The following SLC38A6 variants were observed in gnomAD, a reference collection of about 807,000 sequenced individuals.
SLC38A6 encodes the protein solute carrier family 38 member 6, also known as N system amino acid transporter NAT-1.
A neutral mutation model predicts 65.0 loss-of-function variants in SLC38A6; 73 were observed. That is an observed-to-expected ratio of 1.12 (90% confidence interval 0.93 to 1.37). The LOEUF (loss-of-function observed/expected upper bound fraction) is 1.37. Among genes scored for constraint, SLC38A6 ranks in the 40% most tolerant of loss-of-function variants. SLC38A6 has a pLI of 0.00. For missense variants in SLC38A6, 561 were observed against 531.1 expected (o/e 1.06, Z -0.55); for synonymous variants, 183 against 178.8 (o/e 1.02, Z -0.19).
chr14:61,014,991 C>T (rs1338879467), intron 3 of SLC38A6, among the ~76,000 whole-genome samples: 1 of 152,212 alleles, frequency 6.6e-6, no homozygotes, highest in Non-Finnish European at 1.5e-5. Flanking sequence ...GTGGAGTCTA[C>T]AGAGGCACGC....
chr14:61,017,261 G>T lies in SLC38A6; in HGVS notation c.363+1305G>T, dbSNP rs191373934. Among the ~76,000 whole-genome samples, 153 of 152,202 alleles carry T rather than the reference G, an allele frequency of 1.0e-3. 1 individual carries two copies. In the East Asian group the frequency reaches 0.024, roughly 24 times the overall value. ...CTCTATGTTGGTCAGGCTGGTCTGG[G>T]CCTCCCGACCTCAGGTGATCCACCT... On this transcript the variant is annotated intron_variant, in intron 4 of 15. Transcript: ENST00000267488.
chr14:61,082,712 GC>G (rs1460334095), intron 16 of SLC38A6, among the ~76,000 whole-genome samples: 2 of 152,102 alleles, frequency 1.3e-5, no homozygotes, highest in African/African-American at 4.8e-5. Flanking sequence ...TCTCCTCAAG[GC>G]CCTTTCTAGT....
chr14:61,052,710 A>G (rs1594758224), downstream of SLC38A6: 1 of 227,592 alleles, frequency 4.4e-6, no homozygotes, highest in Non-Finnish European at 8.2e-6. Context: ...AACAGAAAGT[A>G]CAGAGTTCAC....
chr14:61,004,251 C>T (rs915410727), intron 3 of SLC38A6, among the ~76,000 whole-genome samples: 8 of 152,124 alleles, frequency 5.3e-5, no homozygotes, highest in Non-Finnish European at 1.2e-4. Context: ...AATATACTAT[C>T]TATACTTCAT....
chr14:60,998,104 G>C (rs982539935), intron 3 of SLC38A6, among the ~76,000 whole-genome samples: 1 of 151,258 alleles, frequency 6.6e-6, no homozygotes, highest in Non-Finnish European at 1.5e-5. Context: ...TATGTATAAG[G>C]CATAGTGATA....
At chr14:61,006,619 A>T (rs1014234720) in intron 3 of SLC38A6, among the ~76,000 whole-genome samples, 156 of 152,348 alleles carry the variant, frequency 1.0e-3, no homozygotes, top group African/African-American at 3.7e-3. Flanking sequence ...TCAAAACCAC[A>T]ATGAGATACC....
At chr14:61,015,456 C>T (rs2039937603) in intron 3 of SLC38A6, among the ~76,000 whole-genome samples, 1 of 152,098 alleles carries the variant, frequency 6.6e-6, no homozygotes, top group Non-Finnish European at 1.5e-5. Flanking sequence ...GCAGAAATCA[C>T]CCATCTTCTG....
chr14:61,005,581 A>C (rs552521177), intron 3 of SLC38A6, among the ~76,000 whole-genome samples: 5 of 152,084 alleles, frequency 3.3e-5, no homozygotes, highest in Admixed American at 6.5e-5. Context: ...TCCCATTCAC[A>C]ATTGCTTCAA....
intron 5 of SLC38A6, among the ~76,000 whole-genome samples, chr14:61,028,086 G>A (rs2040710656): frequency 6.6e-6 from 1 of 151,818 alleles, no homozygotes; most frequent in African/African-American, 2.4e-5. Context: ...GTACAACAAA[G>A]GATAAAAGTG....
At chr14:61,000,459 A>G (rs1243540034) in intron 3 of SLC38A6, among the ~76,000 whole-genome samples, 2 of 152,182 alleles carry the variant, frequency 1.3e-5, no homozygotes, top group East Asian at 1.9e-4. Context: ...GGCGAAACCC[A>G]TCTCTACTAA....
chr14:60,981,691 A>G (rs1324926023), intron 1 of SLC38A6: 10 of 1,361,940 alleles, frequency 7.3e-6, no homozygotes, highest in Non-Finnish European at 9.6e-6. Context: ...CACTGCTGTT[A>G]GTTAGTATTT....
intron 6 of SLC38A6, among the ~76,000 whole-genome samples, chr14:61,035,907 T>C (rs2041327244): frequency 6.6e-6 from 1 of 152,182 alleles, no homozygotes; most frequent in South Asian, 2.1e-4. Context: ...TTTAAGTATA[T>C]CCTTCTGGCT....
At chr14:60,989,763 T>C (rs904635183) in intron 3 of SLC38A6, among the ~76,000 whole-genome samples, 2 of 152,084 alleles carry the variant, frequency 1.3e-5, no homozygotes, top group African/African-American at 4.8e-5. Flanking sequence ...ATGTCTCCAG[T>C]TCCTCTCCTC....
chr14:61,002,218 T>A (rs2038759437), intron 3 of SLC38A6: 1 of 152,144 alleles, frequency 6.6e-6, no homozygotes, highest in Non-Finnish European at 1.5e-5. Flanking sequence ...TGTTTTAAAA[T>A]CATGCCACAT....
intron 5 of SLC38A6, among the ~76,000 whole-genome samples, chr14:61,028,411 G>A (rs1405689140): frequency 1.3e-5 from 2 of 151,920 alleles, no homozygotes; most frequent in East Asian, 1.9e-4. Context: ...AGTCTAGGCC[G>A]GTTTCAGAAA....
intron 10 of SLC38A6, among the ~76,000 whole-genome samples, chr14:61,044,000 G>A (rs562776427): frequency 1.3e-5 from 2 of 152,206 alleles, no homozygotes; most frequent in South Asian, 4.2e-4. Flanking sequence ...CAGGAGTAGA[G>A]ACTAGGAGAC....
intron 15 of SLC38A6, among the ~76,000 whole-genome samples, chr14:61,067,619 T>A (rs1435213695): frequency 6.6e-6 from 1 of 152,144 alleles, no homozygotes; most frequent in East Asian, 1.9e-4. Context: ...CTGCAGGCCT[T>A]TTTTAGGTAA....
intron 4 of SLC38A6, among the ~76,000 whole-genome samples, chr14:61,018,602 C>T (rs1021604946): frequency 1.3e-5 from 2 of 152,048 alleles, no homozygotes; most frequent in African/African-American, 4.8e-5. Flanking sequence ...GTTGGGGTTC[C>T]GATCCATTAA....
At chr14:61,004,209 A>G (rs2038914863) in intron 3 of SLC38A6, among the ~76,000 whole-genome samples, 1 of 152,186 alleles carries the variant, frequency 6.6e-6, no homozygotes, top group Admixed American at 6.5e-5. Context: ...GTTTTGGTTC[A>G]CAGCGAAGGT....
Sources: allele counts gnomAD v4.1 joint callset (sites outside exome capture counted in the v4.1 genomes callset), GRCh38; gene constraint gnomAD v4.1.1; transcripts MANE v1.5; gene names NCBI Gene and HGNC (gene_info 2026-07-23, HGNC 2026-07-21).